Variants in COMMD5 observed in about 807,000 individuals in gnomAD.
COMMD5 encodes the protein COMM domain-containing protein 5.
In COMMD5, 10 loss-of-function variants were observed where a neutral mutation model predicts 6.9. That is an observed-to-expected ratio of 1.44 (90% CI 0.89 to 2.45). COMMD5 has a LOEUF of 2.45. Ranked by LOEUF, COMMD5 falls within the 30% of genes most tolerant of loss-of-function variation. The pLI, the probability that COMMD5 is intolerant of heterozygous loss-of-function variation, is 0.00. For synonymous variants in COMMD5, 127 were observed against 125.3 expected, an observed-to-expected ratio of 1.01 and a Z score of -0.09; for missense variants, 234 against 287.8, an observed-to-expected ratio of 0.81 and a Z score of 1.35.
At chr8:144,846,072 A>G, downstream of COMMD5, 1 of 1,536,432 alleles carries the variant, frequency 6.5e-7, no homozygotes. Flanking sequence ...CACTGCTCAC[A>G]AAGACTGACC....
In COMMD5 at chr8:144,850,971, A is replaced by C; in HGVS notation, c.368T>G (p.Val123Gly). 6.2e-7 allele frequency: 1 copy of C among 1,611,470 alleles called. No individual in the cohort carries two copies. The stretch of plus-strand genomic sequence containing the variant: ...AAATACCACGCTGGCCAAGTCCCCG[A>C]CCAGGTCTTGGGGGATGCAGAGCTC... ...LQELCIPQDL[V>G]GDLASVVFGS... Residue 123 changes from valine (V) to glycine (G), a missense_variant, in exon 2 of 2, where the codon GTC (valine) becomes GGC (glycine). Physicochemically the swap from Val to Gly is moderately radical, Grantham distance 109. Coordinates refer to ENST00000305103, the MANE Select transcript of COMMD5 (RefSeq NM_014066.4). The surrounding 1 kb of genome is among the most constrained non-coding windows in gnomAD (Gnocchi z 4.0).
chr8:144,843,247 C>T, intron 1 of COMMD5: 1 of 1,433,884 alleles, frequency 7.0e-7, no homozygotes, highest in Non-Finnish European at 9.4e-7. Flanking sequence ...ATCGTTTATA[C>T]TGACAAACAT....
intron 1 of COMMD5, chr8:144,842,610 C>T (rs1830090034): frequency 1.2e-6 from 2 of 1,614,138 alleles, no homozygotes; most frequent in African/African-American, 1.3e-5. Context: ...TGTGTAATGA[C>T]TGTGGAAAAG....
chr8:144,843,326 A>G (rs1461926367), intron 1 of COMMD5: 8 of 876,998 alleles, frequency 9.1e-6, no homozygotes, highest in African/African-American at 3.4e-5. Flanking sequence ...GTGGTGGCTT[A>G]TGCCTGTCAT....
chr8:144,842,073 C>T (rs1830000778), intron 1 of COMMD5: 5 of 1,613,964 alleles, frequency 3.1e-6, no homozygotes, highest in Non-Finnish European at 4.2e-6. Flanking sequence ...CAAGCCTCAT[C>T]CACCATCAGA....
chr8:144,842,960 G>T (rs760451269), intron 1 of COMMD5: 1 of 1,614,030 alleles, frequency 6.2e-7, no homozygotes, highest in Admixed American at 1.7e-5. Flanking sequence ...GCCCTGGAAG[G>T]GTCCACCTTT....
intron 1 of COMMD5, 54 bp from the exon 2 acceptor site, chr8:144,851,449 C>T (rs939094254): frequency 4.1e-6 from 5 of 1,215,778 alleles, no homozygotes; most frequent in East Asian, 2.4e-5. Flanking sequence ...TTTGGGCCAG[C>T]GAGTGAGGGT....
chr8:144,839,938 CTTTA>C (rs1256340378), downstream of COMMD5, among the ~76,000 whole-genome samples: 1 of 152,146 alleles, frequency 6.6e-6, no homozygotes, highest in Non-Finnish European at 1.5e-5. Context: ...TGCCGCTGCT[CTTTA>C]TTTTTTTATT....
Position 144,842,417 on chromosome 8 carries a change from G to A in COMMD5, c.*117-674C>T, listed in dbSNP as rs140119157. On this transcript the variant is annotated intron_variant and NMD_transcript_variant, in intron 1 of 1. Transcript: ENST00000530332. ...AGTCAGCATCAGCTGATTCACACTG[G>A]AGAGAAGCCTTATAAATGCAACAAG... is the stretch of plus-strand genomic sequence containing the variant. 9.3e-6 allele frequency: 15 copies of A among 1,614,020 alleles called. No individual in the cohort carries two copies. Among genetic ancestry groups the A allele is most frequent in the Non-Finnish European group, 1.2e-5 (14 of 1,180,056 alleles).
At chr8:144,844,400 T>TA (rs1239680962) in intron 1 of COMMD5, among the ~76,000 whole-genome samples, 1 of 151,666 alleles carries the variant, frequency 6.6e-6, no homozygotes, top group African/African-American at 2.4e-5. Context: ...GAGGAGGAAA[T>TA]AAAGACAGTG....
At chr8:144,847,085 A>T (rs930901201), downstream of COMMD5, 1 of 152,244 alleles carries the variant, frequency 6.6e-6, no homozygotes, top group Non-Finnish European at 1.5e-5. Flanking sequence ...GTGTGAGCAC[A>T]TGACTTAAAT....
At position 144,852,832 on chromosome 8, in the gene COMMD5, A is replaced by C. The variant is rs1830809461; in HGVS notation, c.-58+7T>G. 1 of 152,244 alleles carries C rather than the reference A, an allele frequency of 6.6e-6. No homozygotes were observed. Among genetic ancestry groups the C allele is most frequent in the South Asian group, 2.1e-4 (1 of 4,836 alleles). The allele number at this position is 152,244 out of a possible 1,614,324, so 9.4% of individuals were successfully genotyped here. ...GTCGCCGCCCCCACGGTTCGGGGCC[A>C]ACCTACCGGCGGGCGCTCCTCCGCG... On this transcript the variant is annotated splice_region_variant and intron_variant, in intron 1 of 1. Transcript: ENST00000305103.
upstream of COMMD5, chr8:144,853,381 A>T (rs1045795908): frequency 6.6e-6 from 1 of 152,144 alleles, no homozygotes; most frequent in African/African-American, 2.4e-5. Flanking sequence ...CCTGAGGCTG[A>T]GGAGCTCGCT....
chr8:144,843,743 A>C (rs1355556605), intron 1 of COMMD5: 2 of 149,546 alleles, frequency 1.3e-5, no homozygotes, highest in African/African-American at 4.8e-5. Context: ...ATGAGGAAGC[A>C]GCACAAGGAG....
At chr8:144,843,207 T>C in intron 1 of COMMD5, 2 of 1,521,338 alleles carry the variant, frequency 1.3e-6, no homozygotes, top group South Asian at 2.7e-5. Context: ...TGAATAAACC[T>C]ATAGCCTTAA....
In COMMD5 at chr8:144,850,887, T is replaced by C. The variant is rs1184708717; in HGVS notation, c.452A>G (p.His151Arg). 3 of 1,611,822 alleles carry C rather than the reference T, an allele frequency of 1.9e-6. No homozygotes were observed. Among genetic ancestry groups the C allele is most frequent in the Non-Finnish European group, 8.5e-7 (1 of 1,179,266 alleles). ...VAQQQGAWLP[H>R]VADFRWRVDV... The stretch of plus-strand genomic sequence containing the variant: ...CACCCGCCACCGAAAGTCAGCAACA[T>C]GCGGCAGCCAGGCCCCCTGCTGCTG... The change falls in exon 2 of 2, where the codon CAT becomes CGT. Residue 151 changes from histidine to arginine, a missense_variant. Coordinates refer to ENST00000305103, the MANE Select transcript of COMMD5 (RefSeq NM_014066.4). This position sits in a 1 kb window ranked among gnomAD's most constrained non-coding sequence, Gnocchi z 4.0.
intron 1 of COMMD5, among the ~76,000 whole-genome samples, chr8:144,844,793 G>A (rs1482813851): frequency 6.6e-6 from 1 of 151,166 alleles, no homozygotes; most frequent in Non-Finnish European, 1.5e-5. Flanking sequence ...AAGAACCTGA[G>A]AAGGGGTGAT....
At chr8:144,842,765 A>C in intron 1 of COMMD5, 1 of 1,614,216 alleles carries the variant, frequency 6.2e-7, no homozygotes, top group African/African-American at 1.3e-5. Flanking sequence ...GAGAGGCCCT[A>C]TAAATGTAAT....
chr8:144,845,015 TGGGAGGAGAAACAGGGGCAGGGTCA>T (rs1468063890), intron 1 of COMMD5, among the ~76,000 whole-genome samples: 3 of 151,882 alleles, frequency 2.0e-5, no homozygotes, highest in East Asian at 3.9e-4. Context: ...AAAGGACAGA[TGGGAGGAGAAACAGGGGCAGGGTCA>T]GGGAGGAGAA....
Sources: gnomAD v4.1 joint callset for allele counts (sites outside exome capture counted in the v4.1 genomes callset) on GRCh38, gnomAD v4.1.1 for gene constraint, Gnocchi (gnomAD v3.1) non-coding constraint, MANE v1.5 for transcripts, NCBI Gene and HGNC (gene_info 2026-07-23, HGNC 2026-07-21) for gene names.